GTSF1: variants seen among roughly 807,000 people sequenced by gnomAD.
GTSF1 encodes the protein gametocyte-specific factor 1.
In GTSF1, 11 loss-of-function variants were observed where a neutral mutation model predicts 28.9. The ratio of observed to expected loss-of-function variants is 0.38; its 90% CI spans 0.24 to 0.63. The LOEUF is 0.63. Ranked by LOEUF, GTSF1 falls within the 30% of genes least tolerant of loss-of-function variation. The pLI, the probability that GTSF1 is intolerant of heterozygous loss-of-function variation, is 0.56. For missense variants in GTSF1, 146 were observed against 201.0 expected, an observed-to-expected ratio of 0.73 and a Z score of 1.66; for synonymous variants, 69 against 65.6, an observed-to-expected ratio of 1.05 and a Z score of -0.25.
At position 54,465,050 on chromosome 12, in the gene GTSF1, G is replaced by T; in HGVS notation, c.117+17C>A. ...AAAGAACTCAGGAGGGTGTTAGAGGGCAAATTATGACCCTACCTTTCTGCA... is the reference window on the plus strand; with the variant it reads ...AAAGAACTCAGGAGGGTGTTAGAGGTCAAATTATGACCCTACCTTTCTGCA... On this transcript the variant is annotated intron_variant, in intron 3 of 8. Coordinates refer to ENST00000305879, the MANE Select transcript of GTSF1 (RefSeq NM_144594.3). The T allele has an allele frequency of 6.4e-7, 1 of 1,567,956 alleles. No individual in the cohort carries two copies. Among genetic ancestry groups the T allele is most frequent in the Non-Finnish European group, 8.8e-7 (1 of 1,139,048 alleles).
At chr12:54,460,523 G>A (rs892060844) in intron 6 of GTSF1, 52 bp from the exon 7 acceptor site, 3 of 1,170,632 alleles carry the variant, frequency 2.6e-6, no homozygotes, top group Non-Finnish European at 3.8e-6. Flanking sequence ...ATTCAAGCAG[G>A]CACACGTAAG....
chr12:54,473,185 T>G (rs7135347), intron 1 of GTSF1, among the ~76,000 whole-genome samples: 16,017 of 151,648 alleles, frequency 0.11, 1,010 homozygotes, highest in African/African-American at 0.17. Context: ...AAGTTTAGGG[T>G]ATGGATGTAG....
chr12:54,465,763 C>T (rs1012717552), intron 2 of GTSF1, among the ~76,000 whole-genome samples: 1 of 151,960 alleles, frequency 6.6e-6, no homozygotes, highest in Admixed American at 6.6e-5. Context: ...GTAAGCACTG[C>T]CCTATATCAG....
At chr12:54,465,701 T>C (rs571743126) in intron 2 of GTSF1, among the ~76,000 whole-genome samples, 24 of 152,274 alleles carry the variant, frequency 1.6e-4, no homozygotes, top group Non-Finnish European at 2.8e-4. Context: ...ATGAAGATAC[T>C]AGTAATAGCA....
intron 7 of GTSF1, 71 bp downstream of exon 7, chr12:54,460,306 C>A: frequency 8.6e-7 from 1 of 1,163,202 alleles, no homozygotes; most frequent in Non-Finnish European, 1.3e-6. Context: ...CTGAACACAT[C>A]TGAATAATCA....
chr12:54,461,056 C>A (rs1268222347), intron 6 of GTSF1, among the ~76,000 whole-genome samples: 1 of 151,994 alleles, frequency 6.6e-6, no homozygotes, highest in Non-Finnish European at 1.5e-5. Context: ...CTTGATCTTC[C>A]AAGGTTTGAG....
intron 3 of GTSF1, among the ~76,000 whole-genome samples, chr12:54,464,325 T>C (rs1249611828): frequency 6.6e-6 from 1 of 152,228 alleles, no homozygotes; most frequent in Non-Finnish European, 1.5e-5. Context: ...ATCCTTGCTC[T>C]CGAGATTAAA....
chr12:54,467,328 T>G (rs1956533261), intron 2 of GTSF1, among the ~76,000 whole-genome samples: 1 of 152,036 alleles, frequency 6.6e-6, no homozygotes, highest in South Asian at 2.1e-4. Context: ...TTTTGTTTTT[T>G]TTTTTTGAGA....
intron 7 of GTSF1, 93 bp from the exon 8 acceptor site, chr12:54,459,218 T>C (rs1391254840): frequency 6.8e-7 from 1 of 1,460,818 alleles, no homozygotes; most frequent in Non-Finnish European, 9.3e-7. Flanking sequence ...CTTATTCCTG[T>C]GTATACTGAA....
At chr12:54,461,858 T>C (rs1317282263) in intron 6 of GTSF1, among the ~76,000 whole-genome samples, 3 of 152,126 alleles carry the variant, frequency 2.0e-5, no homozygotes, top group Admixed American at 6.6e-5. Flanking sequence ...CTAAGACACA[T>C]GAAAGTCTGG....
intron 2 of GTSF1, among the ~76,000 whole-genome samples, chr12:54,466,144 G>A (rs1230027652): frequency 6.6e-6 from 1 of 152,204 alleles, no homozygotes; most frequent in East Asian, 1.9e-4. Context: ...TGACCAGGCT[G>A]TGCCCCAAAT....
At chr12:54,464,077 A>G (rs986080735) in intron 3 of GTSF1, among the ~76,000 whole-genome samples, 1 of 152,210 alleles carries the variant, frequency 6.6e-6, no homozygotes, top group Admixed American at 6.5e-5. Context: ...AAGTAGGGAG[A>G]AGTCTGGAAA....
chr12:54,458,054 A>C (rs1327285748), intron 8 of GTSF1, among the ~76,000 whole-genome samples: 1 of 152,238 alleles, frequency 6.6e-6, no homozygotes, highest in East Asian at 1.9e-4. Flanking sequence ...GCAAGAGGCC[A>C]ATTATTCATT....
intron 8 of GTSF1, 46 bp downstream of exon 8, chr12:54,459,043 C>G: frequency 7.2e-7 from 1 of 1,381,786 alleles, no homozygotes; most frequent in Non-Finnish European, 1.0e-6. Context: ...CCAGTTAAAT[C>G]TTGCTACCAT....
intron 2 of GTSF1, among the ~76,000 whole-genome samples, chr12:54,467,434 A>G (rs1011902613): frequency 6.7e-6 from 1 of 149,894 alleles, no homozygotes; most frequent in African/African-American, 2.5e-5. Context: ...CCTGCCTCAG[A>G]CTCTTGAGTA....
chr12:54,458,170 G>A (rs1170518576), intron 8 of GTSF1, among the ~76,000 whole-genome samples: 1 of 152,080 alleles, frequency 6.6e-6, no homozygotes, highest in Non-Finnish European at 1.5e-5. Flanking sequence ...ATGTGTCTGG[G>A]CAACCTCAGC....
intron 1 of GTSF1, 34 bp from the exon 2 acceptor site, chr12:54,471,311 G>A: frequency 6.8e-7 from 1 of 1,471,132 alleles, no homozygotes; most frequent in Non-Finnish European, 9.3e-7. Context: ...CAGGAAATCA[G>A]AAATAAAATG....
intron 2 of GTSF1, among the ~76,000 whole-genome samples, chr12:54,469,496 TGGCCA>T (rs1956567406): frequency 6.6e-6 from 1 of 151,466 alleles, no homozygotes; most frequent in African/African-American, 2.4e-5. Flanking sequence ...GAGACCAGCC[TGGCCA>T]ACATGGCGAA....
At chr12:54,466,225 G>A (rs1956510769) in intron 2 of GTSF1, among the ~76,000 whole-genome samples, 2 of 152,196 alleles carry the variant, frequency 1.3e-5, no homozygotes, top group African/African-American at 4.8e-5. Context: ...AAGACAAGAG[G>A]CAACCTAATA....
Sources: allele counts gnomAD v4.1 joint callset (sites outside exome capture counted in the v4.1 genomes callset), GRCh38; gene constraint gnomAD v4.1.1; transcripts MANE v1.5; gene names NCBI Gene and HGNC (gene_info 2026-07-23, HGNC 2026-07-21).